GRIK2: variants seen among roughly 807,000 people sequenced by gnomAD.
The protein encoded by GRIK2 is glutamate ionotropic receptor kainate type subunit 2.
Under a neutral mutation model 100.3 loss-of-function variants are expected in GRIK2, and 32 were observed. The ratio of observed to expected loss-of-function variants is 0.32; its 90% CI spans 0.24 to 0.43. GRIK2 has a LOEUF of 0.43. Among genes scored for constraint, GRIK2 ranks in the 20% least tolerant of loss-of-function variants. The probability of loss-of-function intolerance (pLI) is 1.00; values close to 1 mark genes in which losing one functional copy is unlikely to be tolerated. For missense variants in GRIK2, 843 were observed against 1,114.9 expected, an observed-to-expected ratio of 0.76 and a Z score of 3.47; for synonymous variants, 417 against 389.4, an observed-to-expected ratio of 1.07 and a Z score of -0.83.
chr6:101,614,046 C>T, intron 2 of GRIK2, among the ~76,000 whole-genome samples: 1 of 151,522 alleles, frequency 6.6e-6, no homozygotes, highest in Admixed American at 6.6e-5. Flanking sequence ...TTTGTCATTC[C>T]TGGAGGCCAA....
At chr6:101,593,298 GC>G (rs1373047089) in intron 2 of GRIK2, among the ~76,000 whole-genome samples, 5 of 151,812 alleles carry the variant, frequency 3.3e-5, no homozygotes, top group Admixed American at 1.3e-4. Flanking sequence ...CTAACTCTCT[GC>G]TCTAAGTTGA....
At chr6:101,881,859 A>G (rs1333305359) in intron 11 of GRIK2, among the ~76,000 whole-genome samples, 2 of 152,100 alleles carry the variant, frequency 1.3e-5, no homozygotes, top group Admixed American at 6.6e-5. Flanking sequence ...TCCCTAAAAA[A>G]TAAATAAATA....
At chr6:101,714,327 C>A (rs909906380) in intron 7 of GRIK2, among the ~76,000 whole-genome samples, 2 of 151,616 alleles carry the variant, frequency 1.3e-5, no homozygotes, top group African/African-American at 4.8e-5. Flanking sequence ...CTTTTGTGAT[C>A]TTTTATTTGA....
At chr6:101,926,699 T>C (rs985189594) in intron 13 of GRIK2, among the ~76,000 whole-genome samples, 9 of 152,286 alleles carry the variant, frequency 5.9e-5, no homozygotes, top group Non-Finnish European at 8.8e-5. Context: ...GAACCCATAC[T>C]ATTCTGGCTG....
At chr6:101,808,452 G>A (rs532647953) in intron 9 of GRIK2, among the ~76,000 whole-genome samples, 11 of 152,056 alleles carry the variant, frequency 7.2e-5, no homozygotes, top group East Asian at 5.8e-4. Context: ...AAAGTACTTC[G>A]TGTGTTTTCC....
chr6:101,983,868 T>C, intron 14 of GRIK2, among the ~76,000 whole-genome samples: 1 of 151,742 alleles, frequency 6.6e-6, no homozygotes, highest in Non-Finnish European at 1.5e-5. Flanking sequence ...CATACACTGG[T>C]CTTTACTTTT....
chr6:102,059,759 T>A (rs969118331), intron 16 of GRIK2, among the ~76,000 whole-genome samples: 2 of 150,846 alleles, frequency 1.3e-5, no homozygotes. Flanking sequence ...AATTTTTCTT[T>A]TTTTAGGTTT....
At chr6:101,533,884 T>C (rs1222305862) in intron 2 of GRIK2, among the ~76,000 whole-genome samples, 1 of 151,982 alleles carries the variant, frequency 6.6e-6, no homozygotes, top group Non-Finnish European at 1.5e-5. Flanking sequence ...TGATTGAATA[T>C]AGCTTTATAA....
At chr6:101,580,176 CT>C (rs1202973354) in intron 2 of GRIK2, among the ~76,000 whole-genome samples, 1 of 152,120 alleles carries the variant, frequency 6.6e-6, no homozygotes, top group East Asian at 1.9e-4. Context: ...AATATAGATT[CT>C]TACAGCCAAC....
intron 11 of GRIK2, among the ~76,000 whole-genome samples, chr6:101,866,163 A>G (rs1013580613): frequency 3.3e-5 from 5 of 152,204 alleles, no homozygotes; most frequent in African/African-American, 7.2e-5. Context: ...CTTCCTCACC[A>G]TAATTGTCTT....
rs764608518 is a variant in GRIK2 at position 102,055,595 on chromosome 6, T to C, written c.2562+15T>C. On this transcript the variant is annotated intron_variant, in intron 16 of 16. Transcript: ENST00000369134. Reference sequence around the variant, plus strand: ...AATTGGAAAAGGTAAATGTTACTTGTTTCAGTTTAAATTTAAAACAATTTT... The same window carrying C: ...AATTGGAAAAGGTAAATGTTACTTGCTTCAGTTTAAATTTAAAACAATTTT... The C allele has an allele frequency of 1.9e-6, 3 of 1,578,424 alleles. No individual in the cohort carries two copies. Among genetic ancestry groups the C allele is most frequent in the East Asian group, 4.5e-5 (2 of 44,582 alleles).
chr6:101,984,655 A>ACACACC (rs369665252), intron 14 of GRIK2, among the ~76,000 whole-genome samples: 3,093 of 148,562 alleles, frequency 0.021, 39 homozygotes, highest in Middle Eastern at 0.048. Context: ...ACACACACAC[A>ACACACC]CCCTTCAACT....
intron 13 of GRIK2, 55 bp from the exon 14 acceptor site, chr6:101,928,360 T>A: frequency 2.2e-6 from 2 of 900,380 alleles, no homozygotes; most frequent in Non-Finnish European, 3.8e-6. Context: ...AAAAAGTATC[T>A]GATTGCTGAT....
chr6:101,628,631 A>G (rs1780569196), intron 4 of GRIK2, among the ~76,000 whole-genome samples: 1 of 152,100 alleles, frequency 6.6e-6, no homozygotes, highest in Non-Finnish European at 1.5e-5. Flanking sequence ...ACTTATGTTT[A>G]TGGATGGTCA....
intron 2 of GRIK2, among the ~76,000 whole-genome samples, chr6:101,502,187 AT>A (rs2128274061): frequency 1.3e-5 from 2 of 152,318 alleles, no homozygotes; most frequent in East Asian, 3.9e-4. Flanking sequence ...GTTGGTAAAA[AT>A]ATTCATTATT....
chr6:101,411,251 T>G (rs79281911), intron 2 of GRIK2, among the ~76,000 whole-genome samples: 2,175 of 152,162 alleles, frequency 0.014, 50 homozygotes, highest in African/African-American at 0.05. Context: ...TAATTCAAGT[T>G]TTGCCTCCTG....
intron 2 of GRIK2, among the ~76,000 whole-genome samples, chr6:101,433,692 A>G (rs1427029770): frequency 1.3e-5 from 2 of 152,032 alleles, no homozygotes; most frequent in Non-Finnish European, 2.9e-5. Context: ...GAAGAGCAAG[A>G]TATATTGCTT....
intron 2 of GRIK2, among the ~76,000 whole-genome samples, chr6:101,521,670 T>G (rs976125489): frequency 1.3e-5 from 2 of 151,864 alleles, no homozygotes; most frequent in African/African-American, 4.8e-5. Flanking sequence ...ACTTTTTACT[T>G]TAAAACAATT....
In GRIK2 at chr6:101,467,211, A is replaced by T. The variant is rs534627731; in HGVS notation, c.115+67819A>T. Among the ~76,000 whole-genome samples the T allele has an allele frequency of 4.7e-4, 71 of 152,350 alleles. 3 individuals are homozygous for T. In the South Asian group the frequency reaches 0.014, roughly 31 times the overall value. ...GAATAATTTCTGGACCAGAGAAAGCACTATGAATGGGGACTACATATAAAT... is the reference window on the plus strand; with the variant it reads ...GAATAATTTCTGGACCAGAGAAAGCTCTATGAATGGGGACTACATATAAAT... On this transcript the variant is annotated intron_variant, in intron 2 of 16. Coordinates refer to ENST00000369134, the MANE Select transcript of GRIK2 (RefSeq NM_021956.5).
Sources: gnomAD v4.1 joint callset for allele counts (sites outside exome capture counted in the v4.1 genomes callset) on GRCh38, gnomAD v4.1.1 for gene constraint, MANE v1.5 for transcripts, NCBI Gene and HGNC (gene_info 2026-07-23, HGNC 2026-07-21) for gene names.